Variants in ITGAE observed in about 807,000 individuals in gnomAD.
The protein encoded by ITGAE is integrin alpha-E.
ITGAE carries 99 observed loss-of-function variants against 136.5 expected under a neutral mutation model. The ratio of observed to expected loss-of-function variants is 0.73; its 90% CI spans 0.62 to 0.86. The LOEUF is 0.86. Among genes scored for constraint, ITGAE ranks in the 40% least tolerant of loss-of-function variants. ITGAE has a pLI of 0.00. For missense variants in ITGAE, 1,447 were observed against 1,515.3 expected (o/e 0.95, Z 0.75); for synonymous variants, 613 against 591.8 (o/e 1.04, Z -0.52).
chr17:3,724,760 G>C, intron 26 of ITGAE: 1 of 1,614,210 alleles, frequency 6.2e-7, no homozygotes, highest in Non-Finnish European at 8.5e-7. Context: ...AAAGGAAACT[G>C]GTGGTGGGAA....
intron 28 of ITGAE, among the ~76,000 whole-genome samples, chr17:3,721,036 C>T (rs182035627): frequency 2.5e-3 from 379 of 152,186 alleles, no homozygotes; most frequent in Non-Finnish European, 3.8e-3. Context: ...TCAAGTGATC[C>T]TCCCACCTCA....
intron 1 of ITGAE, among the ~76,000 whole-genome samples, chr17:3,797,464 C>CAGGAAACTAAACGTTTCTCATGAGTGTG (rs2053148099): frequency 8.7e-6 from 1 of 114,740 alleles, no homozygotes; most frequent in Non-Finnish European, 1.8e-5. Flanking sequence ...TGCGCCTGGC[C>CAGGAAACTAAACGTTTCTCATGAGTGTG]TTTTTTTTTT....
chr17:3,789,847 T>C (rs919929762), intron 1 of ITGAE, among the ~76,000 whole-genome samples: 4 of 152,178 alleles, frequency 2.6e-5, no homozygotes, highest in Admixed American at 1.3e-4. Context: ...AAAAATGGCA[T>C]GAAAAACGTC....
At chr17:3,770,312 T>C (rs1049405304) in intron 2 of ITGAE, among the ~76,000 whole-genome samples, 1 of 151,256 alleles carries the variant, frequency 6.6e-6, no homozygotes, top group Admixed American at 6.6e-5. Flanking sequence ...GTATCTTTAG[T>C]AGAGATGGGT....
Position 3,723,761 on chromosome 17 carries a change from G to A in ITGAE, c.3085-17C>T. On this transcript the variant is annotated splice_polypyrimidine_tract_variant and intron_variant, in intron 26 of 30. Transcript: ENST00000263087. The stretch of plus-strand genomic sequence containing the variant: ...CGTGGAGGCCTGAAACGAGAGCCAT[G>A]ACCGCGACGCGCTGAACAAACCAAG... 1.2e-6 allele frequency: 2 copies of A among 1,605,918 alleles called. No homozygotes were observed. Among genetic ancestry groups the A allele is most frequent in the Non-Finnish European group, 1.7e-6 (2 of 1,176,680 alleles).
chr17:3,753,440 G>GGGA lies in ITGAE; in HGVS notation c.1528-13_1528-11dup, dbSNP rs761038251. ...CAAAATAGGACCCCATCTACAGCCC[G>GGGA]GGAGGAACTCAGCTCACCAGGAGCC... On this transcript the variant is annotated splice_polypyrimidine_tract_variant and intron_variant, in intron 13 of 30. Transcript: ENST00000263087. 1 of 1,611,886 alleles carries GGGA rather than the reference G, an allele frequency of 6.2e-7. No individual in the cohort carries two copies. The highest frequency in any genetic ancestry group is 2.2e-5 in the East Asian group (1 of 44,818).
intron 1 of ITGAE, among the ~76,000 whole-genome samples, chr17:3,780,955 C>T (rs1313354194): frequency 6.6e-6 from 1 of 152,192 alleles, no homozygotes; most frequent in Non-Finnish European, 1.5e-5. Context: ...CCTGCCATCT[C>T]AGCCTCCCCA....
At chr17:3,755,956 T>G in intron 10 of ITGAE, 59 bp from the exon 11 acceptor site, 3 of 1,507,794 alleles carry the variant, frequency 2.0e-6, no homozygotes, top group Non-Finnish European at 2.7e-6. Context: ...AGAAACTGAG[T>G]CAGGGGACAG....
At chr17:3,723,221 T>C in intron 28 of ITGAE, 67 bp downstream of exon 28, 11 of 1,067,890 alleles carry the variant, frequency 1.0e-5, no homozygotes, top group Non-Finnish European at 1.6e-5. Flanking sequence ...GATGCTATTA[T>C]CTCTTCTAGG....
intron 2 of ITGAE, 116 bp from the exon 3 acceptor site, chr17:3,764,076 G>A (rs1345265409): frequency 7.3e-6 from 5 of 682,718 alleles, no homozygotes; most frequent in East Asian, 2.7e-5. Flanking sequence ...CTGTCTGGCC[G>A]GCAGATTCCT....
At chr17:3,728,206 C>T in intron 24 of ITGAE, 38 bp from the exon 25 acceptor site, 1 of 1,516,906 alleles carries the variant, frequency 6.6e-7, no homozygotes, top group Non-Finnish European at 9.2e-7. Context: ...CTTGAGGAGT[C>T]TTTCTCCCTT....
At chr17:3,757,962 A>C (rs556905612) in intron 8 of ITGAE, 103 bp from the exon 9 acceptor site, 1 of 1,348,548 alleles carries the variant, frequency 7.4e-7, no homozygotes, top group Non-Finnish European at 1.0e-6. Context: ...GGGAGGGTTC[A>C]CAATCCTCCC....
intron 18 of ITGAE, among the ~76,000 whole-genome samples, chr17:3,744,167 G>A (rs1339092192): frequency 6.6e-6 from 1 of 151,644 alleles, no homozygotes; most frequent in Non-Finnish European, 1.5e-5. Flanking sequence ...ATGAGCCACC[G>A]CACCTTGCAA....
chr17:3,728,325 G>GC (rs1196055133), intron 24 of ITGAE, 157 bp from the exon 25 acceptor site: 2 of 636,918 alleles, frequency 3.1e-6, no homozygotes, highest in Non-Finnish European at 5.7e-6. Flanking sequence ...ACCTCAGCCT[G>GC]GGAAAGTGTT....
intron 29 of ITGAE, chr17:3,717,672 AC>A (rs2143005456): frequency 6.6e-6 from 1 of 152,316 alleles, no homozygotes; most frequent in African/African-American, 2.4e-5. Context: ...AGGTTTCTGT[AC>A]GGGGTGAAGG....
chr17:3,741,776 T>C (rs1171510466), intron 19 of ITGAE, among the ~76,000 whole-genome samples: 1 of 152,144 alleles, frequency 6.6e-6, no homozygotes, highest in Non-Finnish European at 1.5e-5. Flanking sequence ...GTGATATTCC[T>C]GACAAAAATG....
At chr17:3,726,007 C>T (rs746953901) in intron 26 of ITGAE, 2 of 1,613,976 alleles carry the variant, frequency 1.2e-6, no homozygotes, top group Non-Finnish European at 1.7e-6. Flanking sequence ...TACACCCTGT[C>T]GCGCTTGGAA....
intron 21 of ITGAE, among the ~76,000 whole-genome samples, chr17:3,733,414 T>TTTTG (rs767948128): frequency 6.6e-4 from 100 of 152,076 alleles, no homozygotes; most frequent in South Asian, 2.7e-3. Flanking sequence ...TACACTTTGG[T>TTTTG]TTTGTTTGTT....
chr17:3,717,049 G>A (rs1358574489), intron 29 of ITGAE: 1 of 391,590 alleles, frequency 2.6e-6, no homozygotes, highest in Non-Finnish European at 4.7e-6. Context: ...GGTCTGTCAG[G>A]AGATTATGAC....
Sources: gnomAD v4.1 joint callset for allele counts (sites outside exome capture counted in the v4.1 genomes callset) on GRCh38, gnomAD v4.1.1 for gene constraint, MANE v1.5 for transcripts, NCBI Gene and HGNC (gene_info 2026-07-23, HGNC 2026-07-21) for gene names.